BOLL: variants seen among roughly 807,000 people sequenced by gnomAD.
BOLL encodes boule RNA binding protein.
BOLL carries 23 observed loss-of-function variants against 44.4 expected under a neutral mutation model. That is an observed-to-expected ratio of 0.52 (90% confidence interval 0.37 to 0.73). BOLL has a LOEUF of 0.73. Among genes scored for constraint, BOLL ranks in the 30% least tolerant of loss-of-function variants. The pLI is 0.00. For synonymous variants in BOLL, 97 were observed against 110.8 expected, an observed-to-expected ratio of 0.88 and a Z score of 0.78; for missense variants, 287 against 338.3, an observed-to-expected ratio of 0.85 and a Z score of 1.19.
intron 9 of BOLL, among the ~76,000 whole-genome samples, chr2:197,744,040 ACCTCGGGAT>A (rs1248505287): frequency 6.6e-6 from 1 of 152,150 alleles, no homozygotes; most frequent in South Asian, 2.1e-4. Context: ...TGATCTCCTG[ACCTCGGGAT>A]CCACCCGCCT....
intron 3 of BOLL, 58 bp downstream of exon 3, chr2:197,778,917 T>G: frequency 1.4e-6 from 2 of 1,441,102 alleles, no homozygotes; most frequent in East Asian, 2.3e-5. Flanking sequence ...GTACAAAACC[T>G]AGTCATCCAA....
intron 10 of BOLL, among the ~76,000 whole-genome samples, chr2:197,739,531 C>A (rs1238182788): frequency 6.6e-6 from 1 of 152,130 alleles, no homozygotes; most frequent in Non-Finnish European, 1.5e-5. Context: ...GAGGCAGGGT[C>A]TCACTATGCT....
intron 5 of BOLL, among the ~76,000 whole-genome samples, chr2:197,772,555 A>G (rs1165418989): frequency 6.6e-6 from 1 of 151,896 alleles, no homozygotes; most frequent in Non-Finnish European, 1.5e-5. Flanking sequence ...TCTCTTTTCT[A>G]TGATCTATTC....
chr2:197,747,582 C>CAAAAAAAAA (rs59385223), intron 9 of BOLL, among the ~76,000 whole-genome samples: 2 of 60,190 alleles, frequency 3.3e-5, no homozygotes, highest in Non-Finnish European at 5.8e-5. Context: ...GACTCGGGCT[C>CAAAAAAAAA]AAAAAAAAAA....
chr2:197,753,077 G>A lies in BOLL; in HGVS notation c.729+3351C>T, dbSNP rs146325673. Reference sequence around the variant, plus strand: ...GAAAGGATTCCCTATTTAATAAATGGTGTCGAGAAAACTGGCTGGCCATAT... The same window carrying A: ...GAAAGGATTCCCTATTTAATAAATGATGTCGAGAAAACTGGCTGGCCATAT... On this transcript the variant is annotated intron_variant, in intron 9 of 10. Coordinates refer to ENST00000392296, the MANE Select transcript of BOLL (RefSeq NM_033030.6). Among the ~76,000 whole-genome samples, 1,047 of 152,252 alleles carry A rather than the reference G, an allele frequency of 6.9e-3. 8 individuals are homozygous for A. The highest frequency in any genetic ancestry group is 0.024 in the African/African-American group (999 of 41,542).
chr2:197,785,809 T>A (rs887031502), upstream of BOLL, among the ~76,000 whole-genome samples: 1 of 151,940 alleles, frequency 6.6e-6, no homozygotes, highest in Non-Finnish European at 1.5e-5. The surrounding 1 kb of genome is among the most constrained non-coding windows in gnomAD (Gnocchi z 6.7). Context: ...AGACGAGGTC[T>A]GCGGGCGGGT....
chr2:197,742,266 G>A (rs1408919238), intron 10 of BOLL, among the ~76,000 whole-genome samples: 5 of 152,206 alleles, frequency 3.3e-5, no homozygotes, highest in Non-Finnish European at 7.4e-5. Flanking sequence ...CGATTCCTCA[G>A]GGATCTAGAA....
chr2:197,762,091 G>A (rs1688784184), intron 7 of BOLL, among the ~76,000 whole-genome samples: 1 of 152,090 alleles, frequency 6.6e-6, no homozygotes, highest in Admixed American at 6.6e-5. Flanking sequence ...CACACCTGTA[G>A]TGCCAGCACT....
At chr2:197,756,587 A>C (rs1688525159) in intron 8 of BOLL, 31 bp from the exon 9 acceptor site, 3 of 1,556,444 alleles carry the variant, frequency 1.9e-6, no homozygotes, top group Non-Finnish European at 2.6e-6. Flanking sequence ...TCTAATTCAA[A>C]TATGATTAGT....
At chr2:197,772,322 C>T (rs1689304691) in intron 5 of BOLL, among the ~76,000 whole-genome samples, 1 of 151,974 alleles carries the variant, frequency 6.6e-6, no homozygotes, top group Non-Finnish European at 1.5e-5. Context: ...ATTATTTGTA[C>T]AAATATAAAT....
rs184458602 is a variant in BOLL, at chr2:197,734,850, T to C, written c.829-6272A>G. Among the ~76,000 whole-genome samples, 592 of 152,206 alleles carry C rather than the reference T, an allele frequency of 3.9e-3. 3 individuals are homozygous for C. The highest frequency in any genetic ancestry group is 9.6e-3 in the Admixed American group (146 of 15,276). On this transcript the variant is annotated intron_variant, in intron 10 of 10. Coordinates refer to ENST00000392296, the MANE Select transcript of BOLL (RefSeq NM_033030.6). ...GGATAGCATTAGGAGATATGCCTAA[T>C]GCTAAATGACGAGTTAATGGGTGCA...
upstream of BOLL, chr2:197,785,931 T>C (rs1690053763): frequency 6.9e-7 from 1 of 1,440,526 alleles, no homozygotes; most frequent in Non-Finnish European, 9.7e-7. This position sits in a 1 kb window ranked among gnomAD's most constrained non-coding sequence, Gnocchi z 6.7. Flanking sequence ...GGCTCCACGC[T>C]GCTCCTTCTC....
intron 7 of BOLL, among the ~76,000 whole-genome samples, chr2:197,758,164 A>G (rs768543640): frequency 2.6e-5 from 4 of 152,240 alleles, no homozygotes; most frequent in Non-Finnish European, 4.4e-5. Context: ...AACCTAAGAG[A>G]AATAAAAATA....
At chr2:197,734,818 C>T (rs576464715) in intron 10 of BOLL, among the ~76,000 whole-genome samples, 7 of 151,320 alleles carry the variant, frequency 4.6e-5, no homozygotes, top group South Asian at 4.2e-4. Flanking sequence ...GCGGGTGGAG[C>T]GGGGAGGGAT....
chr2:197,775,666 A>C lies in BOLL; in HGVS notation c.351T>G (p.Pro117=), dbSNP rs1428247059. ...AATACATTAGTTCTCAATACATACG[A>C]GGGATCCCTACTTGTTGTTTTCTTA... ...PAIRKQQVGI[P]RSSIMPAAGT... Residue 117 remains proline (P), a splice_region_variant and synonymous_variant, in exon 5 of 11, where the codon CCT becomes CCG. Coordinates refer to ENST00000392296, the MANE Select transcript of BOLL (RefSeq NM_033030.6). The C allele has an allele frequency of 1.3e-6, 2 of 1,550,328 alleles. No homozygotes were observed. The highest frequency in any genetic ancestry group is 1.8e-6 in the Non-Finnish European group (2 of 1,142,074).
intron 10 of BOLL, among the ~76,000 whole-genome samples, chr2:197,732,059 C>A (rs753162764): frequency 0.14 from 20,786 of 149,146 alleles, 1,681 homozygotes; most frequent in East Asian, 0.26. Flanking sequence ...TGATAGACCG[C>A]TAGCAAGACT....
At chr2:197,785,360 CGGCGG>C, upstream of BOLL, 1 of 985,758 alleles carries the variant, frequency 1.0e-6, no homozygotes, top group Non-Finnish European at 1.2e-6. The surrounding 1 kb of genome is among the most constrained non-coding windows in gnomAD (Gnocchi z 6.7). Context: ...TGGCTGCTGG[CGGCGG>C]GACGGGGCGG....
At chr2:197,772,285 A>G (rs1457282413) in intron 5 of BOLL, among the ~76,000 whole-genome samples, 2 of 152,064 alleles carry the variant, frequency 1.3e-5, no homozygotes, top group Admixed American at 6.6e-5. Flanking sequence ...ACAAAGCTGA[A>G]CAATTTAGAC....
At chr2:197,781,631 ATGT>A (rs1689788412) in intron 2 of BOLL, 88 bp downstream of exon 2, 1 of 1,206,072 alleles carries the variant, frequency 8.3e-7, no homozygotes, top group African/African-American at 1.5e-5. Flanking sequence ...TTATGCAAAT[ATGT>A]TATTTTATAG....
Sources: allele counts gnomAD v4.1 joint callset (sites outside exome capture counted in the v4.1 genomes callset), GRCh38; gene constraint gnomAD v4.1.1; non-coding constraint Gnocchi (gnomAD v3.1); transcripts MANE v1.5; gene names NCBI Gene and HGNC (gene_info 2026-07-23, HGNC 2026-07-21).